Variants in TTC28 observed in about 807,000 individuals in gnomAD.
TTC28 encodes tetratricopeptide repeat domain 28, also known as tetratricopeptide repeat protein 28.
A neutral mutation model predicts 198.0 loss-of-function variants in TTC28; 61 were observed. That is an observed-to-expected ratio of 0.31 (90% CI 0.25 to 0.38). TTC28 has a LOEUF of 0.38. TTC28 is among the 10% of genes least tolerant of loss of function. The pLI is 1.00. For missense variants in TTC28, 2,678 were observed against 3,164.0 expected, an observed-to-expected ratio of 0.85 and a Z score of 3.69; for synonymous variants, 1,171 against 1,297.8, an observed-to-expected ratio of 0.90 and a Z score of 2.10.
At chr22:28,605,289 T>C (rs2050711451) in intron 2 of TTC28, among the ~76,000 whole-genome samples, 1 of 152,170 alleles carries the variant, frequency 6.6e-6, no homozygotes, top group African/African-American at 2.4e-5. Context: ...GATAAGAAAT[T>C]CTCCTCTTAG....
chr22:28,358,578 G>A (rs906834871), intron 2 of TTC28, among the ~76,000 whole-genome samples: 2 of 152,140 alleles, frequency 1.3e-5, no homozygotes, highest in Admixed American at 6.6e-5. Flanking sequence ...AACACAAGAG[G>A]AATCAACTGG....
chr22:28,643,866 A>G (rs112628163), intron 1 of TTC28, among the ~76,000 whole-genome samples: 4 of 152,308 alleles, frequency 2.6e-5, no homozygotes, highest in African/African-American at 7.2e-5. Context: ...AGTACTTTAC[A>G]TATGTTAGCT....
chr22:28,146,434 C>A (rs1009903246), intron 6 of TTC28, among the ~76,000 whole-genome samples: 2 of 152,206 alleles, frequency 1.3e-5, no homozygotes, highest in African/African-American at 4.8e-5. Flanking sequence ...CTCCATCAGG[C>A]ATTTAAGAAG....
At chr22:27,994,219 A>C (rs909090864) in intron 17 of TTC28, among the ~76,000 whole-genome samples, 1 of 152,138 alleles carries the variant, frequency 6.6e-6, no homozygotes, top group African/African-American at 2.4e-5. Context: ...CAAGACGGGC[A>C]GATCACTTGA....
intron 5 of TTC28, among the ~76,000 whole-genome samples, chr22:28,183,008 A>G (rs2147108735): frequency 6.6e-6 from 1 of 151,980 alleles, no homozygotes; most frequent in South Asian, 2.1e-4. Context: ...GACTCTTCAG[A>G]GCAGAATTTG....
chr22:28,295,095 G>A (rs2044868151), intron 5 of TTC28, among the ~76,000 whole-genome samples: 1 of 152,124 alleles, frequency 6.6e-6, no homozygotes, highest in African/African-American at 2.4e-5. Flanking sequence ...AAGTGTTCAG[G>A]TAACTCTCTA....
At chr22:28,200,891 T>G (rs1231913873) in intron 5 of TTC28, among the ~76,000 whole-genome samples, 1 of 152,230 alleles carries the variant, frequency 6.6e-6, no homozygotes, top group Non-Finnish European at 1.5e-5. Flanking sequence ...TATTGTGTGC[T>G]ACTATCTAAA....
intron 6 of TTC28, among the ~76,000 whole-genome samples, chr22:28,155,309 C>T (rs1943726769): frequency 6.6e-6 from 1 of 152,168 alleles, no homozygotes; most frequent in Non-Finnish European, 1.5e-5. Context: ...TGTGGCACAA[C>T]ATCGTGATAT....
chr22:28,303,747 CA>C (rs2045074493), intron 3 of TTC28: 1 of 150,524 alleles, frequency 6.6e-6, no homozygotes, highest in Non-Finnish European at 1.5e-5. Context: ...TCAAGGATTA[CA>C]AAACAGGCTG....
intron 2 of TTC28, among the ~76,000 whole-genome samples, chr22:28,429,416 T>G (rs1258522698): frequency 6.6e-6 from 1 of 152,210 alleles, no homozygotes; most frequent in Non-Finnish European, 1.5e-5. Context: ...ATTCTAGCAC[T>G]AACATACTTG....
chr22:28,262,466 C>A (rs1194254606), intron 5 of TTC28, among the ~76,000 whole-genome samples: 3 of 152,072 alleles, frequency 2.0e-5, no homozygotes, highest in Non-Finnish European at 4.4e-5. Flanking sequence ...ATTCATCATC[C>A]AATTTGTTTC....
intron 22 of TTC28, among the ~76,000 whole-genome samples, chr22:27,984,282 G>C (rs532742400): frequency 1.3e-5 from 2 of 151,900 alleles, no homozygotes; most frequent in African/African-American, 4.8e-5. Context: ...TGGCATCACC[G>C]ACACTCGCTC....
chr22:28,197,307 A>G (rs1022809493), intron 5 of TTC28, among the ~76,000 whole-genome samples: 3 of 151,798 alleles, frequency 2.0e-5, no homozygotes, highest in South Asian at 4.2e-4. Flanking sequence ...GGATAGCATT[A>G]AGAGATATAC....
intron 2 of TTC28, among the ~76,000 whole-genome samples, chr22:28,557,667 C>T (rs565057021): frequency 3.9e-5 from 6 of 152,172 alleles, no homozygotes; most frequent in Non-Finnish European, 7.4e-5. Flanking sequence ...TTGTATTTTT[C>T]AGCCAACTCC....
At chr22:28,553,703 G>T (rs112588296) in intron 2 of TTC28, among the ~76,000 whole-genome samples, 14 of 151,466 alleles carry the variant, frequency 9.2e-5, no homozygotes, top group African/African-American at 3.2e-4. Flanking sequence ...GGAGGGAGGT[G>T]GGGGGTCAGC....
chr22:28,044,640 T>TCC (rs1264870489), intron 12 of TTC28, among the ~76,000 whole-genome samples: 3 of 152,154 alleles, frequency 2.0e-5, no homozygotes, highest in Non-Finnish European at 4.4e-5. Context: ...TATGTGATGT[T>TCC]CCCCTTCCTG....
At chr22:28,460,752 G>C (rs569138233) in intron 2 of TTC28, among the ~76,000 whole-genome samples, 1 of 152,022 alleles carries the variant, frequency 6.6e-6, no homozygotes, top group Non-Finnish European at 1.5e-5. Flanking sequence ...GGTGCAAACA[G>C]GGCTCCCTAC....
intron 14 of TTC28, among the ~76,000 whole-genome samples, chr22:28,012,297 G>A (rs1257635720): frequency 6.6e-6 from 1 of 152,212 alleles, no homozygotes; most frequent in Non-Finnish European, 1.5e-5. Flanking sequence ...GCAGGAGAGG[G>A]TCATAATCCT....
At chr22:28,660,909 A>C (rs954838372) in intron 1 of TTC28, among the ~76,000 whole-genome samples, 1 of 151,672 alleles carries the variant, frequency 6.6e-6, no homozygotes, top group African/African-American at 2.4e-5. Context: ...GAGAAAAGGA[A>C]AAAAAAAATT....
Sources: allele counts gnomAD v4.1 joint callset (sites outside exome capture counted in the v4.1 genomes callset), GRCh38; gene constraint gnomAD v4.1.1; transcripts MANE v1.5; gene names NCBI Gene and HGNC (gene_info 2026-07-23, HGNC 2026-07-21).